The following C12orf54 variants were observed in gnomAD, a reference collection of about 807,000 sequenced individuals.
The protein encoded by C12orf54 is chromosome 12 open reading frame 54, also known as uncharacterized protein C12orf54.
In C12orf54, 24 loss-of-function variants were observed where a neutral mutation model predicts 26.4. The ratio of observed to expected loss-of-function variants is 0.91; its 90% confidence interval spans 0.66 to 1.28. The LOEUF is 1.28. Ranked by LOEUF, C12orf54 falls within the 50% of genes most tolerant of loss-of-function variation. The pLI, the probability that C12orf54 is intolerant of heterozygous loss-of-function variation, is 0.00. For missense variants in C12orf54, 154 were observed against 150.9 expected (o/e 1.02, Z -0.11); for synonymous variants, 54 against 47.0 (o/e 1.15, Z -0.61).
the C12orf54 span, among the ~76,000 whole-genome samples, chr12:48,438,842 T>C: frequency 1.3e-5 from 2 of 152,128 alleles, no homozygotes; most frequent in East Asian, 1.9e-4. Context: ...GACATAGGCA[T>C]GGGCAAGGAC....
the C12orf54 span, among the ~76,000 whole-genome samples, chr12:48,430,451 C>T: frequency 6.6e-6 from 1 of 150,782 alleles, no homozygotes; most frequent in Non-Finnish European, 1.5e-5. Context: ...CTCAAATCAG[C>T]AAGAAAAAAA....
intron 2 of C12orf54, among the ~76,000 whole-genome samples, chr12:48,485,948 G>C (rs1011429426): frequency 4.6e-5 from 7 of 152,134 alleles, no homozygotes; most frequent in African/African-American, 1.7e-4. Context: ...CTATGCTTTA[G>C]AGTTCTCAAA....
chr12:48,472,987 C>A, the C12orf54 span: 3 of 1,613,956 alleles, frequency 1.9e-6, no homozygotes, highest in African/African-American at 4.0e-5. Flanking sequence ...ACAATAGAGC[C>A]CCTGAAAAAG....
At chr12:48,431,679 C>T in the C12orf54 span, among the ~76,000 whole-genome samples, 3 of 152,182 alleles carry the variant, frequency 2.0e-5, no homozygotes, top group Admixed American at 2.0e-4. Flanking sequence ...AAGTGATCAT[C>T]TCTTCTTTAA....
chr12:48,479,861 A>G (rs1210625688), upstream of C12orf54, among the ~76,000 whole-genome samples: 1 of 152,142 alleles, frequency 6.6e-6, no homozygotes, highest in Non-Finnish European at 1.5e-5. Flanking sequence ...GATAAGTTTC[A>G]ATAGATCTTT....
chr12:48,427,610 C>T, the C12orf54 span, among the ~76,000 whole-genome samples: 1 of 151,888 alleles, frequency 6.6e-6, no homozygotes, highest in East Asian at 1.9e-4. Context: ...TGGCCTTGTC[C>T]AACAGGAAAA....
At chr12:48,437,255 A>C in the C12orf54 span, among the ~76,000 whole-genome samples, 4 of 152,204 alleles carry the variant, frequency 2.6e-5, no homozygotes, top group South Asian at 8.3e-4. Context: ...TGAAGCAATA[A>C]TTAATAGCTT....
the C12orf54 span, among the ~76,000 whole-genome samples, chr12:48,444,352 T>G: frequency 1.3e-5 from 2 of 152,200 alleles, no homozygotes; most frequent in Non-Finnish European, 2.9e-5. Context: ...CAGAACCGCA[T>G]CACTCATTAT....
At chr12:48,486,320 G>C (rs1260633534) in intron 3 of C12orf54, 112 bp downstream of exon 3, 2 of 1,140,458 alleles carry the variant, frequency 1.8e-6, no homozygotes. Flanking sequence ...CCTGACAAGG[G>C]ACAGGGTGCC....
At chr12:48,464,245 G>A in the C12orf54 span, among the ~76,000 whole-genome samples, 1 of 152,038 alleles carries the variant, frequency 6.6e-6, no homozygotes, top group African/African-American at 2.4e-5. Flanking sequence ...CAAAATCAAT[G>A]TGCAAAAATC....
At chr12:48,413,597 C>G in the C12orf54 span, among the ~76,000 whole-genome samples, 1 of 152,204 alleles carries the variant, frequency 6.6e-6, no homozygotes, top group Non-Finnish European at 1.5e-5. Context: ...CAAAGATGTT[C>G]TTTTCCTCCT....
At chr12:48,420,917 C>G in the C12orf54 span, among the ~76,000 whole-genome samples, 9 of 152,110 alleles carry the variant, frequency 5.9e-5, no homozygotes, top group Non-Finnish European at 1.0e-4. Context: ...AATTTTAACT[C>G]ATGCACAGAA....
the C12orf54 span, among the ~76,000 whole-genome samples, chr12:48,438,735 A>G: frequency 9.2e-5 from 14 of 152,340 alleles, no homozygotes; most frequent in African/African-American, 3.1e-4. Flanking sequence ...CCTTCCTTAC[A>G]TCTTATACAA....
the C12orf54 span, among the ~76,000 whole-genome samples, chr12:48,445,591 C>G: frequency 6.6e-6 from 1 of 152,126 alleles, no homozygotes. Context: ...ATTAGCCTCC[C>G]CAAACTTCCA....
At chr12:48,483,804 G>T (rs1954226931) in intron 2 of C12orf54, among the ~76,000 whole-genome samples, 1 of 152,152 alleles carries the variant, frequency 6.6e-6, no homozygotes, top group Admixed American at 6.5e-5. Flanking sequence ...AAGAAGGAGG[G>T]TTTACTGTGA....
At chr12:48,454,096 GTTTTT>G in the C12orf54 span, among the ~76,000 whole-genome samples, 17,207 of 94,366 alleles carry the variant, frequency 0.18, 1,633 homozygotes, top group East Asian at 0.63. Context: ...TTTTTTGTTT[GTTTTT>G]TTTTTTTTTT....
chr12:48,433,639 G>A, the C12orf54 span, among the ~76,000 whole-genome samples: 1 of 152,148 alleles, frequency 6.6e-6, no homozygotes, highest in African/African-American at 2.4e-5. Flanking sequence ...AGTAGAGACG[G>A]GGTTTCACCA....
At chr12:48,483,133 T>C (rs1565569921) in intron 1 of C12orf54, 107 bp from the exon 2 acceptor site, 4 of 605,218 alleles carry the variant, frequency 6.6e-6, no homozygotes, top group Non-Finnish European at 8.7e-6. Flanking sequence ...CACTCACCCA[T>C]TCAAAATACA....
chr12:48,468,492 GTTTA>G, the C12orf54 span, among the ~76,000 whole-genome samples: 2 of 152,256 alleles, frequency 1.3e-5, no homozygotes, highest in South Asian at 4.1e-4. Flanking sequence ...TTATGTATTT[GTTTA>G]TTTATTTATT....
Sources: gnomAD v4.1 joint callset for allele counts (sites outside exome capture counted in the v4.1 genomes callset) on GRCh38, gnomAD v4.1.1 for gene constraint, MANE v1.5 for transcripts, NCBI Gene and HGNC (gene_info 2026-07-23, HGNC 2026-07-21) for gene names.